The following CLIP4 variants were observed in gnomAD, a reference collection of about 807,000 sequenced individuals.
The protein encoded by CLIP4 is CAP-Gly domain containing linker protein family member 4.
A neutral mutation model predicts 73.1 loss-of-function variants in CLIP4; 47 were observed. The ratio of observed to expected loss-of-function variants is 0.64; its 90% confidence interval spans 0.51 to 0.82. The LOEUF (loss-of-function observed/expected upper bound fraction) is 0.82. CLIP4 is among the 40% of genes least tolerant of loss of function. The pLI is 0.00. For synonymous variants in CLIP4, 306 were observed against 295.4 expected (o/e 1.04, Z -0.37); for missense variants, 874 against 852.9 (o/e 1.02, Z -0.31).
chr2:29,162,182 A>G (rs909372275), intron 12 of CLIP4, among the ~76,000 whole-genome samples: 6 of 152,186 alleles, frequency 3.9e-5, no homozygotes, highest in African/African-American at 1.2e-4. Flanking sequence ...ATAATTCTTC[A>G]TTTTAGGTTG....
At chr2:29,149,531 T>C (rs566480212) in intron 8 of CLIP4, among the ~76,000 whole-genome samples, 1 of 151,990 alleles carries the variant, frequency 6.6e-6, no homozygotes, top group East Asian at 1.9e-4. Flanking sequence ...ATCTGGAAAT[T>C]TGTTATTTTT....
chr2:29,130,508 C>A, intron 2 of CLIP4: 2 of 369,834 alleles, frequency 5.4e-6, no homozygotes, highest in Non-Finnish European at 8.5e-6. Context: ...GCTTCATGTG[C>A]AGTTTAAGTA....
intron 1 of CLIP4, among the ~76,000 whole-genome samples, chr2:29,120,226 A>T (rs1295469504): frequency 6.6e-6 from 1 of 152,310 alleles, no homozygotes; most frequent in South Asian, 2.1e-4. Flanking sequence ...TACCTAATAT[A>T]TAACATCTAT....
chr2:29,099,550 C>T (rs1361182901), intron 1 of CLIP4, among the ~76,000 whole-genome samples: 2 of 152,084 alleles, frequency 1.3e-5, no homozygotes, highest in East Asian at 1.9e-4. Flanking sequence ...TATTAGATTC[C>T]ATTGATTTAT....
At chr2:29,158,651 G>C (rs1477969432) in intron 11 of CLIP4, among the ~76,000 whole-genome samples, 3 of 152,198 alleles carry the variant, frequency 2.0e-5, no homozygotes, top group African/African-American at 7.2e-5. Context: ...GATGTAGACT[G>C]CAGAGAACGA....
At chr2:29,104,472 C>T (rs1177354226) in intron 1 of CLIP4, among the ~76,000 whole-genome samples, 3 of 151,734 alleles carry the variant, frequency 2.0e-5, no homozygotes, top group South Asian at 2.1e-4. Flanking sequence ...TTTTCTATAG[C>T]GACAGGGTTT....
chr2:29,154,129 A>C (rs1011923721), intron 9 of CLIP4, among the ~76,000 whole-genome samples: 3 of 152,166 alleles, frequency 2.0e-5, no homozygotes, highest in African/African-American at 7.2e-5. Flanking sequence ...CAGGTATTTT[A>C]TATCTGCCTT....
chr2:29,133,842 A>AT (rs1222241399), intron 5 of CLIP4, 26 bp downstream of exon 5: 2 of 1,553,870 alleles, frequency 1.3e-6, no homozygotes, highest in Non-Finnish European at 1.7e-6. Flanking sequence ...TCACCTTTAG[A>AT]TATTATTAAC....
intron 9 of CLIP4, among the ~76,000 whole-genome samples, chr2:29,154,322 G>A (rs572690745): frequency 1.7e-4 from 26 of 152,228 alleles, no homozygotes; most frequent in Non-Finnish European, 2.9e-4. Context: ...GAAATCACCT[G>A]TTATCTTTAT....
chr2:29,128,434 TAAAAAA>T lies in CLIP4; in HGVS notation c.134-2821_134-2816del, dbSNP rs199882141. 3.3e-5 allele frequency among the ~76,000 whole-genome samples: 5 copies of T among 149,926 alleles called. No individual in the cohort carries two copies. The East Asian group carries it at 7.8e-4, about 23-fold the overall frequency. On this transcript the variant is annotated intron_variant, in intron 2 of 15. Coordinates refer to ENST00000320081, the MANE Select transcript of CLIP4 (RefSeq NM_024692.6). ...AATACAGAGAAAGCCATGTAGTTGTTAAAAAAAACAAAAACAAAAAAAAACAAAACC... is the reference window on the plus strand; with the variant it reads ...AATACAGAGAAAGCCATGTAGTTGTTAACAAAAACAAAAAAAAACAAAACC...
At position 29,121,387 on chromosome 2, in the gene CLIP4, A is replaced by G; in HGVS notation, c.-2A>G. The G allele has an allele frequency of 6.2e-7, 1 of 1,604,060 alleles. No individual in the cohort carries two copies. Among genetic ancestry groups the G allele is most frequent in the Non-Finnish European group, 8.5e-7 (1 of 1,177,514 alleles). On this transcript the variant is annotated 5_prime_UTR_variant, in exon 2 of 16. Coordinates refer to ENST00000320081, the MANE Select transcript of CLIP4 (RefSeq NM_024692.6). ...TTCTTATTATAGGTGGCTTTCTAGAAGATGACCATAGAGGACCTTCCAGAT... is the reference window on the plus strand; with the variant it reads ...TTCTTATTATAGGTGGCTTTCTAGAGGATGACCATAGAGGACCTTCCAGAT...
intron 14 of CLIP4, 104 bp downstream of exon 14, chr2:29,167,644 ATTTGTATAGTT>A (rs1382318109): frequency 9.6e-6 from 7 of 726,288 alleles, no homozygotes; most frequent in Non-Finnish European, 1.3e-5. Flanking sequence ...TATAAACTGT[ATTTGTATAGTT>A]TTTGTAATAA....
intron 8 of CLIP4, among the ~76,000 whole-genome samples, chr2:29,150,564 C>G (rs1666486081): frequency 6.6e-6 from 1 of 151,780 alleles, no homozygotes; most frequent in Admixed American, 6.6e-5. Flanking sequence ...TTCTTCCAAT[C>G]CTGCCTGCTG....
intron 2 of CLIP4, among the ~76,000 whole-genome samples, chr2:29,126,257 A>G (rs1166940574): frequency 1.3e-5 from 2 of 152,160 alleles, no homozygotes; most frequent in Non-Finnish European, 2.9e-5. Flanking sequence ...AAAATACTTT[A>G]TTTTCCTTTA....
Position 29,131,375 on chromosome 2 carries a change from A to C in CLIP4, c.251A>C (p.Asn84Thr). ...LRQWVPQVQQ[N>T]IDIIGNEILK... is the part of the protein sequence containing the mutation. ...CAGTGGGTTCCTCAGGTCCAACAAAACATTGACATTATTGGAAATGAGGTA... is the reference window on the plus strand; with the variant it reads ...CAGTGGGTTCCTCAGGTCCAACAAACCATTGACATTATTGGAAATGAGGTA... The change falls in exon 3 of 16, where the codon AAC becomes ACC. Residue 84 changes from asparagine to threonine, a missense_variant. Asn to Thr is a moderately conservative substitution (Grantham distance 65). Transcript: ENST00000320081. 3 of 1,600,666 alleles carry C rather than the reference A, an allele frequency of 1.9e-6. No homozygotes were observed. Among genetic ancestry groups the C allele is most frequent in the Non-Finnish European group, 2.6e-6 (3 of 1,175,734 alleles).
chr2:29,132,470 C>CA, intron 4 of CLIP4: 1 of 522,576 alleles, frequency 1.9e-6, no homozygotes, highest in East Asian at 3.1e-5. Context: ...GATCAGGCCT[C>CA]ATGCCTGATT....
intron 15 of CLIP4, among the ~76,000 whole-genome samples, chr2:29,179,673 C>A (rs1387912278): frequency 2.0e-5 from 3 of 152,194 alleles, no homozygotes; most frequent in African/African-American, 7.2e-5. Flanking sequence ...CTATTGTCAT[C>A]ATTCCTATGA....
At chr2:29,171,864 G>C (rs996992656) in intron 14 of CLIP4, among the ~76,000 whole-genome samples, 5 of 152,060 alleles carry the variant, frequency 3.3e-5, no homozygotes, top group African/African-American at 9.7e-5. Flanking sequence ...CTTTTAACCT[G>C]AGAGTCTTAC....
chr2:29,171,960 T>G (rs1173796902), intron 14 of CLIP4, among the ~76,000 whole-genome samples: 1 of 151,756 alleles, frequency 6.6e-6, no homozygotes, highest in African/African-American at 2.4e-5. Context: ...TTGTACTTAA[T>G]AAGTGATTTT....
Sources: allele counts gnomAD v4.1 joint callset (sites outside exome capture counted in the v4.1 genomes callset), GRCh38; gene constraint gnomAD v4.1.1; transcripts MANE v1.5; gene names NCBI Gene and HGNC (gene_info 2026-07-23, HGNC 2026-07-21).